The following TNFRSF25 variants were observed in gnomAD, a reference collection of about 807,000 sequenced individuals.
The protein encoded by TNFRSF25 is TNF receptor superfamily member 25.
Under a neutral mutation model 49.4 loss-of-function variants are expected in TNFRSF25, and 28 were observed. That is an observed-to-expected ratio of 0.57 (90% CI 0.42 to 0.78). The LOEUF is 0.78. Among genes scored for constraint, TNFRSF25 ranks in the 30% least tolerant of loss-of-function variants. The pLI is 0.00. For synonymous variants in TNFRSF25, 240 were observed against 234.2 expected (o/e 1.02, Z -0.23); for missense variants, 531 against 581.6 (o/e 0.91, Z 0.90).
rs1240075569 is a variant in TNFRSF25, at chr1:6,465,574, G to A, written c.40-14C>T. On this transcript the variant is annotated splice_polypyrimidine_tract_variant and intron_variant, in intron 1 of 9. Transcript: ENST00000356876. ...CAGGAGGAGCGCCTGGGGGACAGGT[G>A]CTGCTGACTCTCAGCGCAGCTGCCC... The A allele has an allele frequency of 3.1e-6, 5 of 1,610,156 alleles. No homozygotes were observed. The African/African-American group carries it at 5.3e-5, about 17-fold the overall frequency.
At chr1:6,466,014 G>A (rs1644356510) in intron 1 of TNFRSF25, 55 bp downstream of exon 1, 1 of 1,540,096 alleles carries the variant, frequency 6.5e-7, no homozygotes, top group Non-Finnish European at 8.8e-7. Flanking sequence ...TTCCTTCACC[G>A]AGGCTCTTGG....
rs1485456209 is a variant in TNFRSF25, at chr1:6,462,136, A to G, written c.783T>C (p.Leu261=). ...HLSPLDSAHT[L]LAPPDSSEKI... ...TCTCACTGCTGTCAGGAGGTGCTAGAAGGGTGTGGGCGCTGTCCAAGGGTG... is the reference window on the plus strand; with the variant it reads ...TCTCACTGCTGTCAGGAGGTGCTAGGAGGGTGTGGGCGCTGTCCAAGGGTG... Residue 261 remains leucine (L), a synonymous_variant, in exon 9 of 10, where the codon CTT becomes CTC. Transcript: ENST00000356876. The surrounding 1 kb of genome is among the most constrained non-coding windows in gnomAD (Gnocchi z 4.2). 5.0e-6 allele frequency: 8 copies of G among 1,613,326 alleles called. No homozygotes were observed. The East Asian group carries it at 1.6e-4, about 31-fold the overall frequency.
In TNFRSF25 at chr1:6,465,557, G is replaced by A; in HGVS notation, c.43C>T (p.Leu15Phe). ...PRGCAAVAAA[L>F]LLVLLGARAQ... Reference sequence around the variant, plus strand: ...CGGGCCCCCAGCAGCACCAGGAGGAGCGCCTGGGGGACAGGTGCTGCTGAC... The same window carrying A: ...CGGGCCCCCAGCAGCACCAGGAGGAACGCCTGGGGGACAGGTGCTGCTGAC... Residue 15 changes from leucine (L) to phenylalanine (F), a missense_variant, in exon 2 of 10, where the codon CTC becomes TTC. By Grantham distance (22) the Leu-to-Phe change is conservative (BLOSUM62 0). Coordinates refer to ENST00000356876, the MANE Select transcript of TNFRSF25 (RefSeq NM_003790.3). 1 of 1,612,570 alleles carries A rather than the reference G, an allele frequency of 6.2e-7. No individual in the cohort carries two copies. Among genetic ancestry groups the A allele is most frequent in the Non-Finnish European group, 8.5e-7 (1 of 1,179,560 alleles).
In TNFRSF25 at chr1:6,462,145, G is replaced by A; in HGVS notation, c.774C>T (p.Ala258=). 6.2e-7 allele frequency: 1 copy of A among 1,612,852 alleles called. No homozygotes were observed. Among genetic ancestry groups the A allele is most frequent in the East Asian group, 2.2e-5 (1 of 44,872 alleles). ...PATHLSPLDS[A]HTLLAPPDSS... ...TGTCAGGAGGTGCTAGAAGGGTGTG[G>A]GCGCTGTCCAAGGGTGACAGATGGG... Residue 258 remains alanine (A), a synonymous_variant, in exon 9 of 10, where the codon GCC becomes GCT. Transcript: ENST00000356876. This position sits in a 1 kb window ranked among gnomAD's most constrained non-coding sequence, Gnocchi z 4.2.
At position 6,462,643 on chromosome 1, in the gene TNFRSF25, G is replaced by C. The variant is rs998308007; in HGVS notation, c.730C>G (p.Leu244Val). Reference protein sequence around the residue: ...VTADEAGMEALTPPPATHLSP... With the variant: ...VTADEAGMEAVTPPPATHLSP... ...GAGGTTCTTACCGGTGGTGGGGTCA[G>C]AGCCTCCATCCCAGCTTCATCTGCT... Residue 244 changes from leucine (L) to valine (V), a missense_variant, in exon 8 of 10, where the codon CTG becomes GTG. By Grantham distance (32) the Leu-to-Val change is conservative. Transcript: ENST00000356876. The surrounding 1 kb of genome is among the most constrained non-coding windows in gnomAD (Gnocchi z 4.2). The C allele has an allele frequency of 1.2e-6, 2 of 1,613,574 alleles. No individual in the cohort carries two copies. Among genetic ancestry groups the C allele is most frequent in the Admixed American group, 1.7e-5 (1 of 59,940 alleles).
At chr1:6,465,747 T>A in intron 1 of TNFRSF25, 187 bp from the exon 2 acceptor site, 1 of 1,429,738 alleles carries the variant, frequency 7.0e-7, no homozygotes, top group South Asian at 1.5e-5. Flanking sequence ...CACACCAGGC[T>A]TCGGAGGGGG....
rs554438301 is a variant in TNFRSF25, at chr1:6,461,287, C to T, written c.*147G>A. On this transcript the variant is annotated 3_prime_UTR_variant, in exon 10 of 10. Coordinates refer to ENST00000356876, the MANE Select transcript of TNFRSF25 (RefSeq NM_003790.3). The surrounding 1 kb of genome is among the most constrained non-coding windows in gnomAD (Gnocchi z 6.3). ...TTCGCCTTGGCTGGAGCGATAGGGG[C>T]GAGCAGGGGTGGGGCCGGCTGGTGC... The T allele has an allele frequency of 1.9e-5, 19 of 1,012,998 alleles. No individual in the cohort carries two copies. In the African/African-American group the frequency reaches 2.6e-4, roughly 14 times the overall value. 62.8% of individuals were successfully genotyped at this position (1,012,998 alleles called of 1,614,324 possible).
In TNFRSF25 at chr1:6,461,737, C is replaced by G. The variant is rs769339038; in HGVS notation, c.951G>C (p.Ser317=). Residue 317 remains serine (S), a synonymous_variant, in exon 10 of 10, where the codon TCG becomes TCC. Transcript: ENST00000356876. The surrounding 1 kb of genome is among the most constrained non-coding windows in gnomAD (Gnocchi z 6.3). ...CTGGCGAGCCGGCTGGGGACTCTGG[C>G]GAGAGTGTGGGCGCAGCAGCGGGGC... ...ALGPAAAPTL[S]PESPAGSPAM... The G allele has an allele frequency of 6.5e-7, 1 of 1,542,222 alleles. No individual in the cohort carries two copies. The highest frequency in any genetic ancestry group is 1.2e-5 in the South Asian group (1 of 85,596).
At chr1:6,464,193 G>A (rs547096006) in intron 5 of TNFRSF25, 182 bp downstream of exon 5, 29 of 1,465,092 alleles carry the variant, frequency 2.0e-5, no homozygotes, top group East Asian at 7.5e-5. Flanking sequence ...TGGCTAAGGC[G>A]GATCCAGATT....
chr1:6,465,918 G>A (rs1320908780), intron 1 of TNFRSF25, 151 bp downstream of exon 1: 22 of 1,434,992 alleles, frequency 1.5e-5, no homozygotes, highest in Non-Finnish European at 1.9e-5. Context: ...GAAGGGCTAC[G>A]CCCTGGAGGA....
At position 6,461,796 on chromosome 1, in the gene TNFRSF25, C is replaced by T. The variant is rs777935302; in HGVS notation, c.926-34G>A. The stretch of plus-strand genomic sequence containing the variant: ...GGGCCAGAGAGAGCCAATTGGGGTA[C>T]GTGGGCCGCGGTCGGGAGGCAGAGT... On this transcript the variant is annotated intron_variant, in intron 9 of 9. Coordinates refer to ENST00000356876, the MANE Select transcript of TNFRSF25 (RefSeq NM_003790.3). This position sits in a 1 kb window ranked among gnomAD's most constrained non-coding sequence, Gnocchi z 6.3. The T allele has an allele frequency of 4.1e-6, 6 of 1,475,172 alleles. No individual in the cohort carries two copies. In the African/African-American group the frequency reaches 7.0e-5, roughly 17 times the overall value. The allele number at this position is 1,475,172 out of a possible 1,614,324, so 91.4% of individuals were successfully genotyped here. A position where few individuals can be genotyped will look rare whatever the true frequency, so the allele number is the denominator to read the frequency against.
chr1:6,461,166 G>C lies in TNFRSF25; in HGVS notation c.*268C>G, dbSNP rs187733920. Reference sequence around the variant, plus strand: ...CAAGAAGCCGTTTTTGTTTTGTTTTGTTTTCTTTCACAGATTTAATACCGC... The same window carrying C: ...CAAGAAGCCGTTTTTGTTTTGTTTTCTTTTCTTTCACAGATTTAATACCGC... On this transcript the variant is annotated 3_prime_UTR_variant, in exon 10 of 10. Transcript: ENST00000356876. This position sits in a 1 kb window ranked among gnomAD's most constrained non-coding sequence, Gnocchi z 6.3. 6.0e-4 allele frequency: 412 copies of C among 691,006 alleles called. 2 individuals carry two copies. The African/African-American group carries it at 6.9e-3, about 12-fold the overall frequency. 42.8% of individuals were successfully genotyped at this position (691,006 alleles called of 1,614,324 possible).
chr1:6,462,952 A>G lies in TNFRSF25; in HGVS notation c.617T>C (p.Leu206Pro). Residue 206 changes from leucine (L) to proline (P), a missense_variant, in exon 7 of 10, where the codon CTC (leucine) becomes CCC (proline). Transcript: ENST00000356876. This position sits in a 1 kb window ranked among gnomAD's most constrained non-coding sequence, Gnocchi z 4.2. Reference sequence around the variant, plus strand: ...GAGGGGGACCACAAGGCCAGCCAGGAGCACCTGGACCCAGAACACTGAAAG... The same window carrying G: ...GAGGGGGACCACAAGGCCAGCCAGGGGCACCTGGACCCAGAACACTGAAAG... The part of the protein sequence containing the change: ...GWRQMFWVQV[L>P]LAGLVVPLLL... The G allele has an allele frequency of 1.3e-6, 2 of 1,599,166 alleles. No individual in the cohort carries two copies. Among genetic ancestry groups the G allele is most frequent in the East Asian group, 2.3e-5 (1 of 44,350 alleles).
chr1:6,460,894 G>A lies in TNFRSF25; in HGVS notation c.*540C>T, dbSNP rs1325954454. On this transcript the variant is annotated 3_prime_UTR_variant, in exon 10 of 10. Coordinates refer to ENST00000356876, the MANE Select transcript of TNFRSF25 (RefSeq NM_003790.3). ...TGCACCCCATCCCGACCCTGTCTCC[G>A]CCACCTCGCAGCCCCATTAAAGCGC... 3 of 330,462 alleles carry A rather than the reference G, an allele frequency of 9.1e-6. No homozygotes were observed. The highest frequency in any genetic ancestry group is 4.4e-5 in the African/African-American group (2 of 45,328). 20.5% of individuals were successfully genotyped at this position (330,462 alleles called of 1,614,324 possible).
At chr1:6,463,488 A>G (rs1451759941) in intron 5 of TNFRSF25, 2 of 239,428 alleles carry the variant, frequency 8.4e-6, no homozygotes, top group Non-Finnish European at 8.2e-6. Flanking sequence ...GCACTTTGGG[A>G]GGCCAAGGCG....
At position 6,463,568 on chromosome 1, in the gene TNFRSF25, T is replaced by C. The variant is rs147697573; in HGVS notation, c.543-441A>G. ...GGTGAAACCCCGTCTCTACTAAAAA[T>C]ACAAAAAATTAGCCGGGGGTGGTGG... On this transcript the variant is annotated intron_variant, in intron 5 of 9. Coordinates refer to ENST00000356876, the MANE Select transcript of TNFRSF25 (RefSeq NM_003790.3). The C allele has an allele frequency of 5.9e-3, 979 of 166,890 alleles. 7 individuals carry two copies. Among genetic ancestry groups the C allele is most frequent in the African/African-American group, 0.023 (935 of 41,510 alleles). 10.3% of individuals were successfully genotyped at this position (166,890 alleles called of 1,614,324 possible). A position where few individuals can be genotyped will look rare whatever the true frequency, so the allele number is the denominator to read the frequency against.
At chr1:6,464,053 C>T in intron 5 of TNFRSF25, 1 of 1,158,918 alleles carries the variant, frequency 8.6e-7, no homozygotes, top group Non-Finnish European at 1.1e-6. Flanking sequence ...CAGCCTCAAC[C>T]TCCTTCAGCC....
Position 6,462,398 on chromosome 1 carries a change from C to T in TNFRSF25, c.745-224G>A. 2.5e-6 allele frequency: 3 copies of T among 1,210,908 alleles called. No homozygotes were observed. The highest frequency in any genetic ancestry group is 3.4e-6 in the Non-Finnish European group (3 of 894,114). The allele number at this position is 1,210,908 out of a possible 1,614,324, so 75.0% of individuals were successfully genotyped here. On this transcript the variant is annotated intron_variant, in intron 8 of 9. Coordinates refer to ENST00000356876, the MANE Select transcript of TNFRSF25 (RefSeq NM_003790.3). The surrounding 1 kb of genome is among the most constrained non-coding windows in gnomAD (Gnocchi z 4.2). Reference sequence around the variant, plus strand: ...CCTCTTGTCCCCCAGCACCATGGGGCTCTCCTTCCATTGAACTGTTAGCTC... The same window carrying T: ...CCTCTTGTCCCCCAGCACCATGGGGTTCTCCTTCCATTGAACTGTTAGCTC...
rs1349989247 is a variant in TNFRSF25 at position 6,464,310 on chromosome 1, C to T, written c.542+65G>A. 15 of 1,556,352 alleles carry T rather than the reference C, an allele frequency of 9.6e-6. No homozygotes were observed. The Admixed American group carries it at 1.2e-4, about 12-fold the overall frequency. On this transcript the variant is annotated intron_variant, in intron 5 of 9. Coordinates refer to ENST00000356876, the MANE Select transcript of TNFRSF25 (RefSeq NM_003790.3). ...TATTCCTGAACCAGCAGCACCTGCCCCACCCCAGGCCCCTGCTCTGCTCCC... is the reference window on the plus strand; with the variant it reads ...TATTCCTGAACCAGCAGCACCTGCCTCACCCCAGGCCCCTGCTCTGCTCCC...
Sources: allele counts gnomAD v4.1 joint callset, GRCh38; gene constraint gnomAD v4.1.1; non-coding constraint Gnocchi (gnomAD v3.1); transcripts MANE v1.5; gene names NCBI Gene and HGNC (gene_info 2026-07-23, HGNC 2026-07-21).